The following RASA1 variants were observed in gnomAD, a reference collection of about 807,000 sequenced individuals.
RASA1 encodes ras GTPase-activating protein 1.
Under a neutral mutation model 132.2 loss-of-function variants are expected in RASA1, and 25 were observed. The ratio of observed to expected loss-of-function variants is 0.19; its 90% CI spans 0.14 to 0.26. RASA1 has a LOEUF of 0.26. RASA1 is among the 10% of genes least tolerant of loss of function. RASA1 has a pLI of 1.00. For missense variants in RASA1, 964 were observed against 1,299.2 expected, an observed-to-expected ratio of 0.74 and a Z score of 3.97; for synonymous variants, 477 against 449.9, an observed-to-expected ratio of 1.06 and a Z score of -0.76.
intron 9 of RASA1, among the ~76,000 whole-genome samples, chr5:87,354,573 C>G (rs749462092): frequency 6.6e-5 from 10 of 152,080 alleles, no homozygotes; most frequent in Non-Finnish European, 1.2e-4. Flanking sequence ...TTGGGGCTTC[C>G]TATTTCTGCA....
At chr5:87,299,065 A>G (rs994821185) in intron 1 of RASA1, among the ~76,000 whole-genome samples, 11 of 152,188 alleles carry the variant, frequency 7.2e-5, no homozygotes, top group Non-Finnish European at 1.0e-4. Flanking sequence ...TTTATATCCT[A>G]CTGCTCAAGG....
At chr5:87,362,945 A>T (rs1321293995) in intron 10 of RASA1, among the ~76,000 whole-genome samples, 3 of 149,750 alleles carry the variant, frequency 2.0e-5, no homozygotes, top group Non-Finnish European at 4.4e-5. Flanking sequence ...CACATGGCAC[A>T]TTCATAATAT....
In RASA1 at chr5:87,326,223, G is replaced by C. The variant is rs148320761; in HGVS notation, c.540-5125G>C. On this transcript the variant is annotated intron_variant, in intron 1 of 24. Transcript: ENST00000274376. ...CTGGGTTCCAGCAGTCCCCTCCTCA[G>C]CCTCCCAAATTGCTGGTTTATAAAG... Among the ~76,000 whole-genome samples the C allele has an allele frequency of 2.6e-5, 4 of 152,174 alleles. No homozygotes were observed. In the East Asian group the frequency reaches 7.7e-4, roughly 29 times the overall value.
intron 20 of RASA1, among the ~76,000 whole-genome samples, chr5:87,381,374 C>T (rs1246438571): frequency 6.6e-6 from 1 of 152,146 alleles, no homozygotes; most frequent in African/African-American, 2.4e-5. Flanking sequence ...AATACCCCAA[C>T]TAATTCCAGG....
At chr5:87,383,127 C>A (rs1269146812) in intron 20 of RASA1, among the ~76,000 whole-genome samples, 3 of 151,882 alleles carry the variant, frequency 2.0e-5, no homozygotes, top group Non-Finnish European at 4.4e-5. Flanking sequence ...AAAAGAAAAC[C>A]TTTCCAGTGT....
At chr5:87,330,358 A>G (rs1159986588) in intron 1 of RASA1, among the ~76,000 whole-genome samples, 1 of 152,146 alleles carries the variant, frequency 6.6e-6, no homozygotes, top group Non-Finnish European at 1.5e-5. Context: ...TAAGATTACA[A>G]ATAAACTTTG....
Position 87,278,968 on chromosome 5 carries a change from G to A in RASA1, c.539+9978G>A, listed in dbSNP as rs950996524. Among the ~76,000 whole-genome samples, 3 of 147,984 alleles carry A rather than the reference G, an allele frequency of 2.0e-5. No individual in the cohort carries two copies. In the East Asian group the frequency reaches 5.9e-4, roughly 29 times the overall value. ...ATTTAAAGAAGATTATGCGGGCTGG[G>A]TGCAATGGCTCATTCCTGTAATCTC... On this transcript the variant is annotated intron_variant, in intron 1 of 24. Coordinates refer to ENST00000274376, the MANE Select transcript of RASA1 (RefSeq NM_002890.3).
At chr5:87,279,420 G>A (rs974917468) in intron 1 of RASA1, among the ~76,000 whole-genome samples, 8 of 151,900 alleles carry the variant, frequency 5.3e-5, no homozygotes, top group Non-Finnish European at 1.2e-4. Flanking sequence ...GGAACATTTG[G>A]GTCATTTCTA....
At chr5:87,380,662 A>C in intron 20 of RASA1, 67 bp downstream of exon 20, 1 of 1,340,304 alleles carries the variant, frequency 7.5e-7, no homozygotes, top group Non-Finnish European at 1.1e-6. Context: ...AAATTGAGGA[A>C]TAACAATATA....
intron 1 of RASA1, among the ~76,000 whole-genome samples, chr5:87,272,759 T>C (rs188666757): frequency 6.6e-6 from 1 of 152,306 alleles, no homozygotes; most frequent in East Asian, 1.9e-4. Context: ...CGATTAATTA[T>C]ATTAAGAATT....
chr5:87,284,840 A>G (rs1007691756), intron 1 of RASA1, among the ~76,000 whole-genome samples: 3 of 152,120 alleles, frequency 2.0e-5, no homozygotes, highest in Non-Finnish European at 4.4e-5. Context: ...TTCCTTTTGT[A>G]TGGTCATTGA....
chr5:87,327,286 A>G (rs1272067795), intron 1 of RASA1, among the ~76,000 whole-genome samples: 1 of 152,250 alleles, frequency 6.6e-6, no homozygotes, highest in African/African-American at 2.4e-5. Context: ...GCTGGGATTC[A>G]AAGACAGTGA....
chr5:87,324,970 C>T (rs1032022546), intron 1 of RASA1, among the ~76,000 whole-genome samples: 2 of 151,466 alleles, frequency 1.3e-5, no homozygotes, highest in Non-Finnish European at 2.9e-5. Flanking sequence ...TTTTTTTAAC[C>T]TTTAGCAGAC....
chr5:87,293,166 G>A (rs1049902710), intron 1 of RASA1, among the ~76,000 whole-genome samples: 12 of 151,024 alleles, frequency 7.9e-5, no homozygotes, highest in African/African-American at 2.9e-4. Context: ...AAGAGGAGGT[G>A]TCCTTGCATT....
chr5:87,380,400 G>T, intron 19 of RASA1, 109 bp from the exon 20 acceptor site: 2 of 1,011,348 alleles, frequency 2.0e-6, no homozygotes, highest in East Asian at 4.8e-5. Context: ...TGGGTAAAAG[G>T]CCAGTTTTAT....
chr5:87,288,224 C>G (rs1056736351), intron 1 of RASA1, among the ~76,000 whole-genome samples: 1 of 150,354 alleles, frequency 6.7e-6, no homozygotes, highest in Non-Finnish European at 1.5e-5. Context: ...TTATGCCTCT[C>G]CATTTACTAT....
chr5:87,352,599 A>G (rs547482331), intron 8 of RASA1, among the ~76,000 whole-genome samples: 4 of 151,866 alleles, frequency 2.6e-5, no homozygotes, highest in South Asian at 2.1e-4. Context: ...AGCACTTTTA[A>G]TCAAAATAAT....
intron 1 of RASA1, among the ~76,000 whole-genome samples, chr5:87,313,924 T>A (rs1189797357): frequency 6.6e-6 from 1 of 152,036 alleles, no homozygotes; most frequent in East Asian, 1.9e-4. Flanking sequence ...TCCCAGCACT[T>A]TGGGAGGCTG....
intron 9 of RASA1, among the ~76,000 whole-genome samples, chr5:87,361,893 C>T (rs751011546): frequency 2.6e-5 from 4 of 151,702 alleles, no homozygotes; most frequent in Non-Finnish European, 5.9e-5. Context: ...TGGCAATTTA[C>T]CTTGAAAAAA....
Sources: allele counts gnomAD v4.1 joint callset (sites outside exome capture counted in the v4.1 genomes callset), GRCh38; gene constraint gnomAD v4.1.1; transcripts MANE v1.5; gene names NCBI Gene and HGNC (gene_info 2026-07-23, HGNC 2026-07-21).